IQCJ: variants seen among roughly 807,000 people sequenced by gnomAD.
IQCJ encodes IQ domain-containing protein J.
In IQCJ, 9 loss-of-function variants were observed where a neutral mutation model predicts 11.0. The ratio of observed to expected loss-of-function variants is 0.82; its 90% CI spans 0.49 to 1.43. The LOEUF (loss-of-function observed/expected upper bound fraction) is 1.43. Ranked by LOEUF, IQCJ falls within the 40% of genes most tolerant of loss-of-function variation. The pLI is 0.00. For synonymous variants in IQCJ, 55 were observed against 51.3 expected, an observed-to-expected ratio of 1.07 and a Z score of -0.31; for missense variants, 146 against 133.2, an observed-to-expected ratio of 1.10 and a Z score of -0.47.
intron 1 of IQCJ, among the ~76,000 whole-genome samples, chr3:159,234,039 CTGG>C (rs914514853): frequency 3.3e-5 from 5 of 152,142 alleles, no homozygotes; most frequent in Non-Finnish European, 7.4e-5. Context: ...GCTACTCACA[CTGG>C]TGTAAGTCCC....
At chr3:159,217,096 C>T (rs985570470) in intron 1 of IQCJ, among the ~76,000 whole-genome samples, 1 of 152,134 alleles carries the variant, frequency 6.6e-6, no homozygotes, top group Non-Finnish European at 1.5e-5. Context: ...CCTGGCTGCA[C>T]AGGTTGCACA....
rs540048122 is a variant in IQCJ at position 159,237,807 on chromosome 3, A to C, written c.10-8036A>C. 2.0e-5 allele frequency among the ~76,000 whole-genome samples: 3 copies of C among 152,342 alleles called. 1 individual carries two copies. Among genetic ancestry groups the C allele is most frequent in the African/African-American group, 7.2e-5 (3 of 41,588 alleles). On this transcript the variant is annotated intron_variant, in intron 1 of 3. Coordinates refer to ENST00000397832, the MANE Select transcript of IQCJ (RefSeq NM_001042706.3). ...AGTGACAGCTTCTCCTATAAAGATT[A>C]ATTATCAAACACACATGTTCTTCTG... is the stretch of plus-strand genomic sequence containing the variant.
chr3:159,094,102 T>C lies in IQCJ; in HGVS notation c.9+24661T>C, dbSNP rs1717541936. Among the ~76,000 whole-genome samples the C allele has an allele frequency of 2.0e-5, 3 of 151,922 alleles. No homozygotes were observed. In the South Asian group the frequency reaches 6.2e-4, roughly 32 times the overall value. On this transcript the variant is annotated intron_variant, in intron 1 of 3. Transcript: ENST00000397832. ...AGAGCTTTTTCTCCTTTACATGTTTTCTCTTGGCAATGTCCAAAATCTATG... is the reference window on the plus strand; with the variant it reads ...AGAGCTTTTTCTCCTTTACATGTTTCCTCTTGGCAATGTCCAAAATCTATG...
Position 159,142,437 on chromosome 3 carries a change from G to A in IQCJ, c.9+72996G>A, listed in dbSNP as rs201722131. On this transcript the variant is annotated intron_variant, in intron 1 of 3. Transcript: ENST00000397832. ...GGCAGGTCTTTTCCCCCCCCCACCA[G>A]ATGGAGTCTCACGCTGTCACCCAGG... Among the ~76,000 whole-genome samples, 13 of 150,248 alleles carry A rather than the reference G, an allele frequency of 8.7e-5. No homozygotes were observed. In the East Asian group the frequency reaches 1.8e-3, roughly 21 times the overall value.
At chr3:159,187,326 G>T (rs544214928) in intron 1 of IQCJ, among the ~76,000 whole-genome samples, 1 of 152,312 alleles carries the variant, frequency 6.6e-6, no homozygotes, top group Non-Finnish European at 1.5e-5. Context: ...CCTCTACTTG[G>T]TCTGGCCCAG....
chr3:159,149,456 C>CT (rs1329163884), intron 1 of IQCJ, among the ~76,000 whole-genome samples: 3 of 151,958 alleles, frequency 2.0e-5, no homozygotes, highest in South Asian at 4.2e-4. Context: ...AAAAATAGAG[C>CT]TTTTTTTTCC....
At chr3:159,232,445 G>T (rs921560785) in intron 1 of IQCJ, among the ~76,000 whole-genome samples, 1 of 144,054 alleles carries the variant, frequency 6.9e-6, no homozygotes, top group East Asian at 2.1e-4. Context: ...CGTTTTGAGA[G>T]ACTTTCTTTT....
chr3:159,172,435 C>A (rs1722531461), intron 1 of IQCJ, among the ~76,000 whole-genome samples: 1 of 151,492 alleles, frequency 6.6e-6, no homozygotes. Flanking sequence ...TTTTTTCCTT[C>A]CAAATTTTCT....
At chr3:159,236,992 A>G (rs1338378255) in intron 1 of IQCJ, among the ~76,000 whole-genome samples, 2 of 152,224 alleles carry the variant, frequency 1.3e-5, no homozygotes, top group Admixed American at 6.5e-5. Flanking sequence ...TATTTCCAAG[A>G]CACAAAAACC....
intron 1 of IQCJ, among the ~76,000 whole-genome samples, chr3:159,202,441 T>A (rs2108069853): frequency 6.6e-6 from 1 of 152,322 alleles, no homozygotes; most frequent in South Asian, 2.1e-4. Flanking sequence ...TCTGGAGGCA[T>A]TTCCATCCAT....
At chr3:159,129,878 C>T (rs963864522) in intron 1 of IQCJ, among the ~76,000 whole-genome samples, 1 of 152,074 alleles carries the variant, frequency 6.6e-6, no homozygotes, top group East Asian at 1.9e-4. Flanking sequence ...TTGATAAAAT[C>T]CACTGACCTT....
intron 1 of IQCJ, among the ~76,000 whole-genome samples, chr3:159,210,211 A>G (rs1193095437): frequency 1.3e-5 from 2 of 152,164 alleles, no homozygotes; most frequent in African/African-American, 4.8e-5. Flanking sequence ...AAAATCAGCT[A>G]AAAATCACTC....
At chr3:159,230,168 T>G (rs1275895652) in intron 1 of IQCJ, among the ~76,000 whole-genome samples, 3 of 152,032 alleles carry the variant, frequency 2.0e-5, no homozygotes, top group Non-Finnish European at 2.9e-5. Context: ...CTGCATTAAT[T>G]CTCTTAGGAT....
chr3:159,253,564 GCCAGTGAGTGTATATTTAATCTCTCTCC>G (rs1445039604), intron 3 of IQCJ, among the ~76,000 whole-genome samples: 1 of 151,136 alleles, frequency 6.6e-6, no homozygotes, highest in African/African-American at 2.4e-5. Flanking sequence ...TATGAGAAAT[GCCAGTGAGTGTATATTTAATCTCTCTCC>G]CCACCCTCTC....
chr3:159,229,511 G>C (rs1560033739), intron 1 of IQCJ, among the ~76,000 whole-genome samples: 1 of 151,790 alleles, frequency 6.6e-6, no homozygotes, highest in Admixed American at 6.6e-5. Flanking sequence ...TTCCCCTTCG[G>C]CCATTGCAGC....
chr3:159,133,230 T>G (rs1720098152), intron 1 of IQCJ, among the ~76,000 whole-genome samples: 1 of 152,192 alleles, frequency 6.6e-6, no homozygotes, highest in Non-Finnish European at 1.5e-5. Context: ...GAATAAGAAA[T>G]CATTGGTTCC....
intron 1 of IQCJ, among the ~76,000 whole-genome samples, chr3:159,115,314 G>A (rs1051870984): frequency 2.0e-5 from 3 of 152,190 alleles, no homozygotes; most frequent in Non-Finnish European, 4.4e-5. Flanking sequence ...CATGGATGGT[G>A]AAAAAGGTGA....
At chr3:159,136,539 C>A (rs1024007796) in intron 1 of IQCJ, among the ~76,000 whole-genome samples, 1 of 152,130 alleles carries the variant, frequency 6.6e-6, no homozygotes, top group Non-Finnish European at 1.5e-5. Context: ...GGCTTATGAA[C>A]AGTAGAAATT....
At position 159,250,216 on chromosome 3, in the gene IQCJ, A is replaced by G. The variant is rs577029014; in HGVS notation, c.75-2511A>G. On this transcript the variant is annotated intron_variant, in intron 2 of 3. Coordinates refer to ENST00000397832, the MANE Select transcript of IQCJ (RefSeq NM_001042706.3). ...CAGATTTAAACCAACAGGTATTGGT[A>G]GTTTATAGTTTGGTGAGGATATATA... Among the ~76,000 whole-genome samples the G allele has an allele frequency of 1.1e-3, 163 of 152,334 alleles. 2 individuals carry two copies. Among genetic ancestry groups the G allele is most frequent in the African/African-American group, 3.8e-3 (157 of 41,582 alleles).
Sources: allele counts gnomAD v4.1 joint callset (sites outside exome capture counted in the v4.1 genomes callset), GRCh38; gene constraint gnomAD v4.1.1; transcripts MANE v1.5; gene names NCBI Gene and HGNC (gene_info 2026-07-23, HGNC 2026-07-21).